The following TET1 variants were observed in gnomAD, a reference collection of about 807,000 sequenced individuals.
TET1 encodes the protein methylcytosine dioxygenase TET1.
TET1 carries 13 observed loss-of-function variants against 148.7 expected under a neutral mutation model. The ratio of observed to expected loss-of-function variants is 0.09; its 90% CI spans 0.06 to 0.14. The LOEUF (loss-of-function observed/expected upper bound fraction) is 0.14. Ranked by LOEUF, TET1 falls within the 10% of genes least tolerant of loss-of-function variation. The pLI is 1.00. For synonymous variants in TET1, 907 were observed against 937.2 expected (o/e 0.97, Z 0.59); for missense variants, 2,182 against 2,553.8 (o/e 0.85, Z 3.14).
chr10:68,603,541 C>A (rs775365249), intron 3 of TET1, among the ~76,000 whole-genome samples: 8 of 152,002 alleles, frequency 5.3e-5, no homozygotes, highest in South Asian at 2.1e-4. Flanking sequence ...GAGGCCAAGG[C>A]GGGAGGATTG....
At chr10:68,570,556 G>T (rs935894017) in intron 1 of TET1, among the ~76,000 whole-genome samples, 1 of 152,010 alleles carries the variant, frequency 6.6e-6, no homozygotes, top group African/African-American at 2.4e-5. Flanking sequence ...ATTCACTTGG[G>T]ATATTTTAGT....
intron 3 of TET1, among the ~76,000 whole-genome samples, chr10:68,633,521 G>C (rs2054607924): frequency 6.6e-6 from 1 of 151,984 alleles, no homozygotes. Flanking sequence ...AGCTGGGACG[G>C]CAGGCATGCA....
At chr10:68,605,837 T>C (rs2054116498) in intron 3 of TET1, among the ~76,000 whole-genome samples, 1 of 152,200 alleles carries the variant, frequency 6.6e-6, no homozygotes, top group Admixed American at 6.5e-5. Flanking sequence ...TTATATATAC[T>C]AGACCAGTGC....
chr10:68,589,662 ATTTTTTTTTT>A (rs57278279), intron 2 of TET1, among the ~76,000 whole-genome samples: 15 of 109,744 alleles, frequency 1.4e-4, no homozygotes, highest in Admixed American at 2.9e-4. Context: ...AATATCTCCA[ATTTTTTTTTT>A]TTTTTTTTTT....
intron 6 of TET1, among the ~76,000 whole-genome samples, chr10:68,653,204 G>T (rs2054966290): frequency 6.6e-6 from 1 of 151,630 alleles, no homozygotes; most frequent in Non-Finnish European, 1.5e-5. Context: ...TATTTATCCT[G>T]GTTTAGAATA....
intron 2 of TET1, among the ~76,000 whole-genome samples, chr10:68,578,072 A>G (rs1176585523): frequency 6.6e-6 from 1 of 152,162 alleles, no homozygotes; most frequent in Admixed American, 6.6e-5. Flanking sequence ...ATGGGCATTT[A>G]AAGTGTTTCT....
In TET1 at chr10:68,619,947, C is replaced by T. The variant is rs1352477477; in HGVS notation, c.1968+18913C>T. 2.6e-5 allele frequency among the ~76,000 whole-genome samples: 4 copies of T among 152,250 alleles called. No individual in the cohort carries two copies. The East Asian group carries it at 7.7e-4, about 29-fold the overall frequency. The stretch of plus-strand genomic sequence containing the variant: ...GTGGTTCATTCCTGTAATCCCAGCA[C>T]TTTGGGAGGCCGAGCTGGGCAGATC... On this transcript the variant is annotated intron_variant, in intron 3 of 11. Transcript: ENST00000373644.
At chr10:68,636,650 G>C (rs929754258) in intron 3 of TET1, among the ~76,000 whole-genome samples, 2 of 152,106 alleles carry the variant, frequency 1.3e-5, no homozygotes, top group Non-Finnish European at 2.9e-5. Context: ...CTACAGCCTC[G>C]GTGATAAAGT....
chr10:68,672,831 A>C, intron 7 of TET1, 64 bp from the exon 8 acceptor site: 2 of 1,464,000 alleles, frequency 1.4e-6, no homozygotes, highest in Non-Finnish European at 1.9e-6. Context: ...TAGAAACCTG[A>C]AATGTTCTCT....
chr10:68,652,868 T>TG (rs2054959624), intron 6 of TET1, among the ~76,000 whole-genome samples: 1 of 149,242 alleles, frequency 6.7e-6, no homozygotes, highest in Non-Finnish European at 1.5e-5. Flanking sequence ...TTTTTTTTTT[T>TG]TTAGTGGAGA....
At chr10:68,624,628 CTTTCTTTCTTTCTTTCTTTCTT>C (rs1564974726) in intron 3 of TET1, among the ~76,000 whole-genome samples, 45 of 38,874 alleles carry the variant, frequency 1.2e-3, no homozygotes, top group African/African-American at 6.9e-3. Flanking sequence ...TTCTTTCTTT[CTTTCTTTCTTTCTTTCTTTCTT>C]TCTTTCTTTC....
intron 7 of TET1, among the ~76,000 whole-genome samples, chr10:68,670,247 CT>C (rs1329506217): frequency 1.3e-5 from 2 of 152,144 alleles, no homozygotes; most frequent in Non-Finnish European, 1.5e-5. Flanking sequence ...TAATTTTCCC[CT>C]GTCCATGATT....
rs540798996 is a variant in TET1, at chr10:68,673,462, G to A, written c.4824+417G>A. 56 of 405,318 alleles carry A rather than the reference G, an allele frequency of 1.4e-4. 1 individual carries two copies. Among genetic ancestry groups the A allele is most frequent in the Admixed American group, 1.2e-3 (47 of 37,770 alleles). The allele number at this position is 405,318 out of a possible 1,614,324, so 25.1% of individuals were successfully genotyped here. On this transcript the variant is annotated intron_variant, in intron 8 of 11. Transcript: ENST00000373644. ...GAAAGAAGATATATGAAACCGGAAC[G>A]AATCAGTCCGGGACACGAGGCCATG...
intron 3 of TET1, among the ~76,000 whole-genome samples, chr10:68,640,526 C>CTT (rs2054730385): frequency 1.5e-5 from 1 of 66,714 alleles, no homozygotes; most frequent in Non-Finnish European, 3.2e-5. Flanking sequence ...CCTAAATATT[C>CTT]TTTTTCTTTC....
At chr10:68,676,256 ATATATATATATATTTTTTTTT>A (rs2055354297) in intron 8 of TET1, among the ~76,000 whole-genome samples, 2 of 40,374 alleles carry the variant, frequency 5.0e-5, no homozygotes, top group Non-Finnish European at 7.8e-5. Flanking sequence ...ATATATATAT[ATATATATATATATTTTTTTTT>A]TTTTTTTTTT....
chr10:68,655,838 A>G (rs1318397731), intron 6 of TET1, among the ~76,000 whole-genome samples: 1 of 152,164 alleles, frequency 6.6e-6, no homozygotes, highest in Non-Finnish European at 1.5e-5. Flanking sequence ...CCATGGGCCA[A>G]TAGGAACCTG....
intron 4 of TET1, among the ~76,000 whole-genome samples, chr10:68,647,438 T>G (rs1056335247): frequency 1.3e-5 from 2 of 152,106 alleles, no homozygotes; most frequent in Non-Finnish European, 2.9e-5. Flanking sequence ...ACCCTGTATT[T>G]ACTTAAAATT....
intron 3 of TET1, among the ~76,000 whole-genome samples, chr10:68,610,066 G>T (rs905436952): frequency 6.6e-6 from 1 of 151,978 alleles, no homozygotes. Flanking sequence ...GGAGGATCAC[G>T]AGGTCAGGAG....
chr10:68,645,595 T>C lies in TET1; in HGVS notation c.2866T>C (p.Cys956Arg), dbSNP rs2054830906. 3 of 1,614,066 alleles carry C rather than the reference T, an allele frequency of 1.9e-6. No homozygotes were observed. The highest frequency in any genetic ancestry group is 2.7e-5 in the African/African-American group (2 of 74,932). ...GGGAGAGCCACCAAAACTTAATCAC[T>C]GTCCATCTTTGGAAAAACAAAGTTC... ...LQGEPPKLNHCPSLEKQSSCN... is the reference protein window; with the variant it reads ...LQGEPPKLNHRPSLEKQSSCN... The change falls in exon 4 of 12, where the codon TGT (cysteine) becomes CGT (arginine). Residue 956 changes from cysteine (C) to arginine (R), a missense_variant. Physicochemically the swap from Cys to Arg is radical, Grantham distance 180 (BLOSUM62 -3). Coordinates refer to ENST00000373644, the MANE Select transcript of TET1 (RefSeq NM_030625.3).
Sources: allele counts gnomAD v4.1 joint callset (sites outside exome capture counted in the v4.1 genomes callset), GRCh38; gene constraint gnomAD v4.1.1; transcripts MANE v1.5; gene names NCBI Gene and HGNC (gene_info 2026-07-23, HGNC 2026-07-21).